Variants in NFYC observed in about 807,000 individuals in gnomAD.
The protein encoded by NFYC is nuclear transcription factor Y subunit gamma.
NFYC carries 25 observed loss-of-function variants against 53.1 expected under a neutral mutation model. The ratio of observed to expected loss-of-function variants is 0.47; its 90% CI spans 0.34 to 0.66. NFYC has a LOEUF of 0.66. Among genes scored for constraint, NFYC ranks in the 30% least tolerant of loss-of-function variants. The pLI is 0.01. For missense variants in NFYC, 260 were observed against 422.7 expected, an observed-to-expected ratio of 0.62 and a Z score of 3.38; for synonymous variants, 145 against 152.6, an observed-to-expected ratio of 0.95 and a Z score of 0.37.
At chr1:40,703,480 TAA>T (rs57102599) in intron 1 of NFYC, among the ~76,000 whole-genome samples, 4 of 97,734 alleles carry the variant, frequency 4.1e-5, no homozygotes, top group East Asian at 5.2e-4. Context: ...CAATTAGCCC[TAA>T]AAAAAAAAAA....
At position 40,770,798 on chromosome 1, in the gene NFYC, C is replaced by T. The variant is rs374644255; in HGVS notation, c.978C>T (p.Asp326=). The T allele has an allele frequency of 1.7e-5, 27 of 1,611,454 alleles. No homozygotes were observed. The highest frequency in any genetic ancestry group is 1.6e-4 in the South Asian group (15 of 91,088). Residue 326 remains aspartate (D), a synonymous_variant, in exon 10 of 10, where the codon GAC becomes GAT. Coordinates refer to ENST00000447388, the MANE Select transcript of NFYC (RefSeq NM_014223.5). The surrounding 1 kb of genome is among the most constrained non-coding windows in gnomAD (Gnocchi z 5.3). The stretch of plus-strand genomic sequence containing the variant: ...TCCAGTCAGCCAACCAGCCCTCCGA[C>T]GGGCAGGCCCCCCAGGTGACCGGCG... The part of the protein sequence containing the change: ...MFIQSANQPS[D]GQAPQVTGD
Position 40,747,514 on chromosome 1 carries a change from T to G in NFYC, c.106-20T>G, listed in dbSNP as rs1645677229. On this transcript the variant is annotated intron_variant, in intron 2 of 9. Coordinates refer to ENST00000447388, the MANE Select transcript of NFYC (RefSeq NM_014223.5). ...GTTGATTGTCCCCACCATTTATGCATCTCTTGTTGTTCATTTCAGAAAGAC... is the reference window on the plus strand; with the variant it reads ...GTTGATTGTCCCCACCATTTATGCAGCTCTTGTTGTTCATTTCAGAAAGAC... The G allele has an allele frequency of 6.3e-7, 1 of 1,586,372 alleles. No individual in the cohort carries two copies. The highest frequency in any genetic ancestry group is 1.7e-5 in the Admixed American group (1 of 59,848).
At chr1:40,699,910 G>A (rs1036628804) in intron 1 of NFYC, among the ~76,000 whole-genome samples, 7 of 152,138 alleles carry the variant, frequency 4.6e-5, no homozygotes, top group Non-Finnish European at 1.0e-4. Flanking sequence ...CAGAGCCTTG[G>A]TGCTTATTTG....
intron 1 of NFYC, among the ~76,000 whole-genome samples, chr1:40,710,637 A>G (rs11208754): frequency 0.12 from 18,686 of 152,256 alleles, 1,266 homozygotes; most frequent in African/African-American, 0.15. Flanking sequence ...GTCAGCCAGC[A>G]GCACTTAGTC....
intron 1 of NFYC, among the ~76,000 whole-genome samples, chr1:40,699,871 A>G (rs12118374): frequency 0.086 from 13,018 of 151,982 alleles, 755 homozygotes; most frequent in Non-Finnish European, 0.12. Flanking sequence ...CCAAAGTGAA[A>G]TGCCTTTCTT....
intron 1 of NFYC, among the ~76,000 whole-genome samples, chr1:40,718,036 T>A (rs1443335259): frequency 6.6e-6 from 1 of 152,212 alleles, no homozygotes; most frequent in Non-Finnish European, 1.5e-5. Context: ...ATAAGAAACT[T>A]TTCACTAGAG....
intron 9 of NFYC, 114 bp downstream of exon 9, chr1:40,769,529 T>C (rs763426516): frequency 1.2e-4 from 98 of 839,908 alleles, no homozygotes; most frequent in Middle Eastern, 2.2e-4. Context: ...TAACAGTGAG[T>C]GGACAGAAAT....
intron 1 of NFYC, among the ~76,000 whole-genome samples, chr1:40,736,299 A>G (rs1645022146): frequency 1.3e-5 from 2 of 152,228 alleles, no homozygotes; most frequent in African/African-American, 2.4e-5. Flanking sequence ...AGGAAAAAAA[A>G]AGAAAAAAAT....
chr1:40,717,892 C>G (rs925280475), intron 1 of NFYC, among the ~76,000 whole-genome samples: 3 of 152,170 alleles, frequency 2.0e-5, no homozygotes, highest in Admixed American at 6.5e-5. Context: ...CACCAATGAG[C>G]AGCACACACA....
intron 1 of NFYC, chr1:40,709,394 CAG>C (rs1491154679): frequency 6.6e-6 from 1 of 152,070 alleles, no homozygotes; most frequent in Non-Finnish European, 1.5e-5. Context: ...TTCACTGAGG[CAG>C]GGGTCAGCTG....
intron 7 of NFYC, chr1:40,763,638 C>A: frequency 2.9e-6 from 1 of 339,090 alleles, no homozygotes; most frequent in Non-Finnish European, 5.8e-6. Flanking sequence ...TGAGCCATCA[C>A]GCCCAGCCCT....
At chr1:40,740,767 A>G (rs1027039705) in intron 2 of NFYC, among the ~76,000 whole-genome samples, 6 of 152,180 alleles carry the variant, frequency 3.9e-5, no homozygotes, top group Admixed American at 3.9e-4. Context: ...TTGGTGTAAA[A>G]TGAATGCTGT....
chr1:40,703,311 G>A (rs1035249697), intron 1 of NFYC, among the ~76,000 whole-genome samples: 2 of 150,114 alleles, frequency 1.3e-5, no homozygotes, highest in Non-Finnish European at 3.0e-5. Context: ...GCAATATGGG[G>A]AGACCCTGTC....
chr1:40,723,671 C>CT (rs892062208), intron 1 of NFYC: 68 of 148,622 alleles, frequency 4.6e-4, no homozygotes, highest in African/African-American at 8.1e-4. Context: ...CTTTTCTTTT[C>CT]TTTTTTTTTT....
intron 1 of NFYC, among the ~76,000 whole-genome samples, chr1:40,738,515 CT>C: frequency 6.6e-6 from 1 of 152,132 alleles, no homozygotes; most frequent in South Asian, 2.1e-4. Context: ...AAGTACTTTC[CT>C]CACCCCACAC....
rs554501888 is a variant in NFYC, at chr1:40,743,974, A to G, written c.106-3560A>G. ...ATCATAGTCACAAGGGGAGTTTTCA[A>G]AAAACATGATGCCAGTACTCTACCC... On this transcript the variant is annotated intron_variant, in intron 2 of 9. Coordinates refer to ENST00000447388, the MANE Select transcript of NFYC (RefSeq NM_014223.5). Among the ~76,000 whole-genome samples, 5 of 152,280 alleles carry G rather than the reference A, an allele frequency of 3.3e-5. No homozygotes were observed. In the South Asian group the frequency reaches 6.2e-4, roughly 19 times the overall value.
chr1:40,715,116 T>TAAATAAATAAATAAA (rs1557764245), intron 1 of NFYC, among the ~76,000 whole-genome samples: 1 of 73,264 alleles, frequency 1.4e-5, no homozygotes, highest in Non-Finnish European at 2.7e-5. Context: ...AAATAAATAA[T>TAAATAAATAAATAAA]AATTTGGCTG....
At position 40,741,872 on chromosome 1, in the gene NFYC, G is replaced by A. The variant is rs141401716; in HGVS notation, c.105+2924G>A. ...TCCCACATCTGCCTCCCAAAGTGCT[G>A]GGATTATAGGTGTGAGCCACCATGC... On this transcript the variant is annotated intron_variant, in intron 2 of 9. Coordinates refer to ENST00000447388, the MANE Select transcript of NFYC (RefSeq NM_014223.5). 3.3e-3 allele frequency among the ~76,000 whole-genome samples: 505 copies of A among 151,930 alleles called. 3 individuals carry two copies. Among genetic ancestry groups the A allele is most frequent in the Non-Finnish European group, 5.8e-3 (392 of 67,944 alleles).
Position 40,704,318 on chromosome 1 carries a change from C to G in NFYC, c.-9+12451C>G, listed in dbSNP as rs1173487983. 1.1e-4 allele frequency among the ~76,000 whole-genome samples: 16 copies of G among 152,212 alleles called. 1 individual carries two copies. The South Asian group carries it at 1.7e-3, about 16-fold the overall frequency. On this transcript the variant is annotated intron_variant, in intron 1 of 9. Coordinates refer to ENST00000447388, the MANE Select transcript of NFYC (RefSeq NM_014223.5). ...GATCTCCTGAATTCGTGATCTGCCC[C>G]CCTCAGCCTCCCAAAGTGCTGGTAT...
Sources: gnomAD v4.1 joint callset for allele counts (sites outside exome capture counted in the v4.1 genomes callset) on GRCh38, gnomAD v4.1.1 for gene constraint, Gnocchi (gnomAD v3.1) non-coding constraint, MANE v1.5 for transcripts, NCBI Gene and HGNC (gene_info 2026-07-23, HGNC 2026-07-21) for gene names.